The following MACROH2A2 variants were observed in gnomAD, a reference collection of about 807,000 sequenced individuals.
The protein encoded by MACROH2A2 is core histone macro-H2A.2.
In MACROH2A2, 6 loss-of-function variants were observed where a neutral mutation model predicts 37.6. The ratio of observed to expected loss-of-function variants is 0.16; its 90% CI spans 0.09 to 0.32. The LOEUF is 0.32. Among genes scored for constraint, MACROH2A2 ranks in the 10% least tolerant of loss-of-function variants. MACROH2A2 has a pLI of 1.00. For synonymous variants in MACROH2A2, 192 were observed against 202.7 expected (o/e 0.95, Z 0.45); for missense variants, 290 against 485.9 (o/e 0.60, Z 3.79).
chr10:70,109,505 T>C (rs1304775807), intron 8 of MACROH2A2, among the ~76,000 whole-genome samples: 3 of 152,150 alleles, frequency 2.0e-5, no homozygotes, highest in Admixed American at 2.0e-4. Flanking sequence ...CCAGCTGGTG[T>C]GTTATTTTTT....
At chr10:70,070,140 G>A (rs1160296523) in intron 1 of MACROH2A2, among the ~76,000 whole-genome samples, 1 of 152,158 alleles carries the variant, frequency 6.6e-6, no homozygotes, top group Non-Finnish European at 1.5e-5. Flanking sequence ...CCCCAGGAGG[G>A]CCTGGGAGAT....
At chr10:70,062,724 G>C (rs1475460114) in intron 1 of MACROH2A2, among the ~76,000 whole-genome samples, 1 of 152,138 alleles carries the variant, frequency 6.6e-6, no homozygotes, top group Non-Finnish European at 1.5e-5. Flanking sequence ...ACTGACTGCT[G>C]TCTCTTTTTC....
At chr10:70,073,783 G>A (rs2072124101) in intron 1 of MACROH2A2, among the ~76,000 whole-genome samples, 1 of 152,070 alleles carries the variant, frequency 6.6e-6, no homozygotes, top group African/African-American at 2.4e-5. Context: ...TCCTGGTTTT[G>A]TATCTATTTC....
chr10:70,108,979 T>C, intron 7 of MACROH2A2, 54 bp from the exon 8 acceptor site: 1 of 1,538,384 alleles, frequency 6.5e-7, no homozygotes, highest in Non-Finnish European at 9.0e-7. Flanking sequence ...GGTTAGGCTA[T>C]AACCTAGGAA....
rs542293041 is a variant in MACROH2A2, at chr10:70,090,417, C to G, written c.279+251C>G. On this transcript the variant is annotated intron_variant, in intron 3 of 8. Transcript: ENST00000373255. ...TTTCTTTTCTCTTTGAAGACAAGTT[C>G]TGTGTGTTGCTGAGGAAGGTGTGGC... is the stretch of plus-strand genomic sequence containing the variant. Among the ~76,000 whole-genome samples the G allele has an allele frequency of 4.5e-4, 68 of 152,364 alleles. 1 individual carries two copies. In the South Asian group the frequency reaches 0.013, roughly 30 times the overall value.
Position 70,107,029 on chromosome 10 carries a change from A to G in MACROH2A2, c.779-2004A>G, listed in dbSNP as rs1056668277. Among the ~76,000 whole-genome samples the G allele has an allele frequency of 3.3e-5, 5 of 152,112 alleles. No individual in the cohort carries two copies. The highest frequency in any genetic ancestry group is 1.2e-4 in the African/African-American group (5 of 41,418). On this transcript the variant is annotated intron_variant, in intron 7 of 8. Transcript: ENST00000373255. This position sits in a 1 kb window ranked among gnomAD's most constrained non-coding sequence, Gnocchi z 4.4. ...AGCAGCCTCCAGTTTTAGGGGCATCATTGTTCAGTCCAAAGAGGGACACTC... is the reference window on the plus strand; with the variant it reads ...AGCAGCCTCCAGTTTTAGGGGCATCGTTGTTCAGTCCAAAGAGGGACACTC...
chr10:70,074,712 T>G (rs930515611), intron 1 of MACROH2A2, among the ~76,000 whole-genome samples: 1 of 152,168 alleles, frequency 6.6e-6, no homozygotes, highest in South Asian at 2.1e-4. Flanking sequence ...CCCCTTTCGC[T>G]TGGTTCTCAT....
At chr10:70,063,243 G>A (rs1215317099) in intron 1 of MACROH2A2, among the ~76,000 whole-genome samples, 1 of 152,142 alleles carries the variant, frequency 6.6e-6, no homozygotes, top group Non-Finnish European at 1.5e-5. Flanking sequence ...TTTTGATGAA[G>A]GCCATCAGGG....
chr10:70,061,919 T>G (rs2072052658), intron 1 of MACROH2A2, among the ~76,000 whole-genome samples: 1 of 152,212 alleles, frequency 6.6e-6, no homozygotes, highest in Non-Finnish European at 1.5e-5. Context: ...TCTCATTCAC[T>G]TAAAGGTGGC....
At chr10:70,079,303 C>G (rs1186090958) in intron 2 of MACROH2A2, among the ~76,000 whole-genome samples, 1 of 151,794 alleles carries the variant, frequency 6.6e-6, no homozygotes, top group African/African-American at 2.4e-5. Context: ...AAAAGCTCCC[C>G]CAAATGATTC....
chr10:70,095,324 C>T (rs1220327145), intron 5 of MACROH2A2, among the ~76,000 whole-genome samples: 7 of 150,884 alleles, frequency 4.6e-5, no homozygotes, highest in Admixed American at 2.0e-4. Context: ...GCCGAGATCA[C>T]GCCACTGCAC....
chr10:70,073,200 G>A (rs929461423), intron 1 of MACROH2A2, among the ~76,000 whole-genome samples: 2 of 152,150 alleles, frequency 1.3e-5, no homozygotes, highest in African/African-American at 2.4e-5. Flanking sequence ...TGAGGACAGG[G>A]ACCACTTAGC....
At chr10:70,064,004 G>C (rs986596586) in intron 1 of MACROH2A2, among the ~76,000 whole-genome samples, 7 of 152,224 alleles carry the variant, frequency 4.6e-5, no homozygotes, top group Admixed American at 1.3e-4. Context: ...TTTACTACTA[G>C]AAGAGTTTCC....
intron 1 of MACROH2A2, among the ~76,000 whole-genome samples, chr10:70,066,104 A>G (rs776553760): frequency 9.9e-5 from 15 of 152,090 alleles, no homozygotes; most frequent in African/African-American, 3.6e-4. Context: ...CCAAGAGTTC[A>G]CAGGCGGGGG....
At chr10:70,090,822 G>A (rs1182049084) in intron 3 of MACROH2A2, among the ~76,000 whole-genome samples, 3 of 152,188 alleles carry the variant, frequency 2.0e-5, no homozygotes, top group African/African-American at 7.2e-5. Flanking sequence ...TACAATAACT[G>A]TCAGTTTGCT....
chr10:70,062,891 G>A (rs541096187), intron 1 of MACROH2A2, among the ~76,000 whole-genome samples: 3 of 152,330 alleles, frequency 2.0e-5, no homozygotes, highest in African/African-American at 7.2e-5. Flanking sequence ...AAGGTGGGAA[G>A]AGGGTGAGGG....
At position 70,111,730 on chromosome 10, in the gene MACROH2A2, A is replaced by C. The variant is rs759866855; in HGVS notation, c.*47A>C. On this transcript the variant is annotated 3_prime_UTR_variant, in exon 9 of 9. Coordinates refer to ENST00000373255, the MANE Select transcript of MACROH2A2 (RefSeq NM_018649.3). ...ATCGGAGGACGACCCGAGTCCCAAGAGTGGGGTTTTGCTTTTTAAAAGGAG... is the reference window on the plus strand; with the variant it reads ...ATCGGAGGACGACCCGAGTCCCAAGCGTGGGGTTTTGCTTTTTAAAAGGAG... 1.3e-6 allele frequency: 2 copies of C among 1,497,576 alleles called. No homozygotes were observed. The highest frequency in any genetic ancestry group is 2.0e-5 in the Admixed American group (1 of 49,094). 92.8% of individuals were successfully genotyped at this position (1,497,576 alleles called of 1,614,324 possible).
intron 4 of MACROH2A2, among the ~76,000 whole-genome samples, chr10:70,092,868 T>G (rs2072254038): frequency 6.6e-6 from 1 of 152,184 alleles, no homozygotes; most frequent in Non-Finnish European, 1.5e-5. Flanking sequence ...CCAGTGGAAT[T>G]TCAGGTGTTT....
At chr10:70,064,158 C>T (rs550905868) in intron 1 of MACROH2A2, among the ~76,000 whole-genome samples, 1 of 152,338 alleles carries the variant, frequency 6.6e-6, no homozygotes, top group African/African-American at 2.4e-5. Context: ...CACCTGAAGT[C>T]AGGAGTTCGA....
Sources: gnomAD v4.1 joint callset for allele counts (sites outside exome capture counted in the v4.1 genomes callset) on GRCh38, gnomAD v4.1.1 for gene constraint, Gnocchi (gnomAD v3.1) non-coding constraint, MANE v1.5 for transcripts, NCBI Gene and HGNC (gene_info 2026-07-23, HGNC 2026-07-21) for gene names.